The following RHOBTB1 variants were observed in gnomAD, a reference collection of about 807,000 sequenced individuals.
The protein encoded by RHOBTB1 is Rho related BTB domain containing 1.
RHOBTB1 carries 40 observed loss-of-function variants against 71.6 expected under a neutral mutation model. The observed-to-expected ratio is 0.56, with a 90% CI of 0.43 to 0.73. RHOBTB1 has a LOEUF of 0.73. Ranked by LOEUF, RHOBTB1 falls within the 30% of genes least tolerant of loss-of-function variation. The pLI is 0.00. For synonymous variants in RHOBTB1, 319 were observed against 334.9 expected (o/e 0.95, Z 0.52); for missense variants, 797 against 894.0 (o/e 0.89, Z 1.38).
At chr10:60,965,914 T>TA (rs562657521) in intron 2 of RHOBTB1, among the ~76,000 whole-genome samples, 17 of 150,158 alleles carry the variant, frequency 1.1e-4, no homozygotes, top group East Asian at 5.8e-4. Flanking sequence ...AACTGATATT[T>TA]AAAAAAAAAA....
chr10:60,908,799 G>A (rs549671547), intron 4 of RHOBTB1, among the ~76,000 whole-genome samples: 35 of 152,296 alleles, frequency 2.3e-4, no homozygotes, highest in African/African-American at 7.0e-4. Context: ...GTGTCAGGAC[G>A]CCTGGAGGCT....
At chr10:60,958,166 T>C (rs2085659189) in intron 2 of RHOBTB1, among the ~76,000 whole-genome samples, 1 of 152,144 alleles carries the variant, frequency 6.6e-6, no homozygotes, top group South Asian at 2.1e-4. Flanking sequence ...AAAGAAATCA[T>C]AAGGAACTTG....
intron 2 of RHOBTB1, among the ~76,000 whole-genome samples, chr10:60,916,808 G>A (rs1247391718): frequency 6.6e-6 from 1 of 152,204 alleles, no homozygotes; most frequent in East Asian, 1.9e-4. Flanking sequence ...TTAGTCAGCC[G>A]ACCTTAATAT....
intron 1 of RHOBTB1, among the ~76,000 whole-genome samples, chr10:60,943,554 A>G (rs1265692795): frequency 2.0e-5 from 3 of 152,134 alleles, no homozygotes; most frequent in Admixed American, 6.5e-5. Flanking sequence ...TGCAAGCGCC[A>G]AAGGGGCTAG....
chr10:60,921,272 C>G (rs2083547360), intron 2 of RHOBTB1, among the ~76,000 whole-genome samples: 1 of 152,092 alleles, frequency 6.6e-6, no homozygotes, highest in East Asian at 1.9e-4. Context: ...AAAGGAATCC[C>G]CAATATCACT....
intron 1 of RHOBTB1, among the ~76,000 whole-genome samples, chr10:60,997,988 T>C (rs573873850): frequency 3.9e-5 from 6 of 152,198 alleles, no homozygotes; most frequent in African/African-American, 7.2e-5. Flanking sequence ...AGTTTGCTCA[T>C]CAATAAAACA....
intron 2 of RHOBTB1, among the ~76,000 whole-genome samples, chr10:60,961,226 A>G (rs561985876): frequency 2.8e-4 from 42 of 152,254 alleles, no homozygotes; most frequent in African/African-American, 9.4e-4. Flanking sequence ...TGTCCTTGTG[A>G]ACATATAGGA....
At chr10:60,920,501 G>T (rs1044667950) in intron 2 of RHOBTB1, among the ~76,000 whole-genome samples, 1 of 152,150 alleles carries the variant, frequency 6.6e-6, no homozygotes, top group South Asian at 2.1e-4. Context: ...AGGTTAGAAA[G>T]GTAGGTGGGG....
intron 2 of RHOBTB1, among the ~76,000 whole-genome samples, chr10:60,916,935 T>G (rs1589291392): frequency 6.6e-6 from 1 of 152,198 alleles, no homozygotes; most frequent in South Asian, 2.1e-4. Flanking sequence ...GCTATACTGC[T>G]GGCTTTGAAG....
intron 2 of RHOBTB1, among the ~76,000 whole-genome samples, chr10:60,919,243 A>G (rs1481296289): frequency 6.6e-6 from 1 of 152,236 alleles, no homozygotes; most frequent in Non-Finnish European, 1.5e-5. Flanking sequence ...AATTTAGCTC[A>G]GCCATTAAAA....
intron 4 of RHOBTB1, among the ~76,000 whole-genome samples, chr10:60,902,166 A>G (rs573020889): frequency 2.0e-5 from 3 of 152,334 alleles, no homozygotes; most frequent in South Asian, 2.1e-4. Flanking sequence ...AGTGTGGGAC[A>G]GCAGGCTGAG....
At chr10:60,915,355 A>C (rs921820147) in intron 2 of RHOBTB1, among the ~76,000 whole-genome samples, 1 of 152,118 alleles carries the variant, frequency 6.6e-6, no homozygotes, top group Non-Finnish European at 1.5e-5. Flanking sequence ...TAACACTATT[A>C]ATAAATGTCA....
chr10:60,916,296 G>T (rs11595278), intron 2 of RHOBTB1, among the ~76,000 whole-genome samples: 1 of 152,040 alleles, frequency 6.6e-6, no homozygotes, highest in Non-Finnish European at 1.5e-5. Context: ...ATTGAAAACC[G>T]CTGAGGCAGC....
At chr10:60,973,212 G>T (rs2086218187) in intron 2 of RHOBTB1, among the ~76,000 whole-genome samples, 1 of 151,884 alleles carries the variant, frequency 6.6e-6, no homozygotes. Flanking sequence ...TCTATCAAAA[G>T]GTTCTCATCT....
rs149990776 is a variant in RHOBTB1 at position 60,888,434 on chromosome 10, G to A, written c.1234C>T (p.Arg412Trp). Residue 412 changes from arginine (R) to tryptophan (W), a missense_variant, in exon 6 of 11, where the codon CGG becomes TGG. Physicochemically the swap from Arg to Trp is moderately radical, Grantham distance 101 (BLOSUM62 -3). Around this residue, in one of 2 missense-constraint regions of RHOBTB1, gnomAD observed 658 missense variants for 681.5 expected, o/e 0.97. Coordinates refer to ENST00000337910, the MANE Select transcript of RHOBTB1 (RefSeq NM_014836.5). ...GTATAAAGAAACTGGAGCAGGGTCC[G>A]AAAAGGGCCTGGCTGGACTGAAGCG... Reference protein sequence around the residue: ...MDASVQPGPFRTLLQFLYTGQ... With the variant: ...MDASVQPGPFWTLLQFLYTGQ... The A allele has an allele frequency of 3.1e-4, 496 of 1,614,036 alleles. No individual in the cohort carries two copies. The highest frequency in any genetic ancestry group is 3.9e-4 in the Non-Finnish European group (458 of 1,180,040).
At position 60,900,186 on chromosome 10, in the gene RHOBTB1, T is replaced by C. The variant is rs182630975; in HGVS notation, c.297-7191A>G. Among the ~76,000 whole-genome samples the C allele has an allele frequency of 8.3e-4, 126 of 152,140 alleles. 1 individual carries two copies. The highest frequency in any genetic ancestry group is 2.6e-3 in the African/African-American group (106 of 41,492). On this transcript the variant is annotated intron_variant, in intron 4 of 10. Transcript: ENST00000337910. The stretch of plus-strand genomic sequence containing the variant: ...ATTGCTTTAATGAGAATGGACTAAA[T>C]TGGTGGCAAGGTAAGAGTGGGAGAG...
chr10:60,990,063 A>G (rs1177358805), intron 1 of RHOBTB1, among the ~76,000 whole-genome samples: 2 of 149,758 alleles, frequency 1.3e-5, no homozygotes, highest in Non-Finnish European at 3.0e-5. Flanking sequence ...GCTCACTGCA[A>G]GCTCCGCCTC....
In RHOBTB1 at chr10:60,906,956, T is replaced by C. The variant is rs118102092; in HGVS notation, c.296+3931A>G. On this transcript the variant is annotated intron_variant, in intron 4 of 10. Coordinates refer to ENST00000337910, the MANE Select transcript of RHOBTB1 (RefSeq NM_014836.5). Reference sequence around the variant, plus strand: ...GTCGTGGGAGGGACCCAGTGGGAGGTAACTGAATCTTGAGAGCAGGTCTTT... The same window carrying C: ...GTCGTGGGAGGGACCCAGTGGGAGGCAACTGAATCTTGAGAGCAGGTCTTT... 5.6e-3 allele frequency among the ~76,000 whole-genome samples: 852 copies of C among 152,188 alleles called. 5 individuals carry two copies. Among genetic ancestry groups the C allele is most frequent in the Non-Finnish European group, 9.8e-3 (667 of 68,002 alleles).
chr10:60,955,540 C>T (rs1320889899), intron 2 of RHOBTB1, among the ~76,000 whole-genome samples: 4 of 152,162 alleles, frequency 2.6e-5, no homozygotes, highest in African/African-American at 7.2e-5. Flanking sequence ...TGAGCTATCC[C>T]AAACCACAGA....
Sources: gnomAD v4.1 joint callset for allele counts (sites outside exome capture counted in the v4.1 genomes callset) on GRCh38, gnomAD v4.1.1 for gene constraint, gnomAD v4.1.1 regional missense constraint, MANE v1.5 for transcripts, NCBI Gene and HGNC (gene_info 2026-07-23, HGNC 2026-07-21) for gene names.